The following TMEM117 variants were observed in gnomAD, a reference collection of about 807,000 sequenced individuals.
The protein encoded by TMEM117 is transmembrane protein 117.
A neutral mutation model predicts 52.4 loss-of-function variants in TMEM117; 27 were observed. That is an observed-to-expected ratio of 0.51 (90% CI 0.38 to 0.71). The LOEUF is 0.71. Among genes scored for constraint, TMEM117 ranks in the 30% least tolerant of loss-of-function variants. The pLI is 0.00. For missense variants in TMEM117, 556 were observed against 630.5 expected (o/e 0.88, Z 1.26); for synonymous variants, 215 against 206.3 (o/e 1.04, Z -0.36).
chr12:43,958,739 T>C (rs1309067141), intron 3 of TMEM117, among the ~76,000 whole-genome samples: 45 of 152,042 alleles, frequency 3.0e-4, no homozygotes, highest in Admixed American at 3.0e-3. Flanking sequence ...CCAAAGGAGG[T>C]GGCAGGAGAG....
intron 2 of TMEM117, among the ~76,000 whole-genome samples, chr12:43,935,425 T>C (rs949904790): frequency 6.6e-6 from 1 of 152,234 alleles, no homozygotes; most frequent in African/African-American, 2.4e-5. Flanking sequence ...AGGGATTACA[T>C]TTCTTGTCAA....
intron 5 of TMEM117, among the ~76,000 whole-genome samples, chr12:44,277,771 T>C (rs1036453296): frequency 1.2e-4 from 18 of 147,756 alleles, no homozygotes; most frequent in Non-Finnish European, 2.5e-4. Context: ...CTTTTTTTTT[T>C]TTTTTTTTTT....
chr12:44,231,788 A>G (rs971970525), intron 5 of TMEM117, among the ~76,000 whole-genome samples: 2 of 151,868 alleles, frequency 1.3e-5, no homozygotes, highest in East Asian at 3.9e-4. Context: ...ATTGGTTTAT[A>G]TGTATTTTCA....
chr12:43,827,781 T>C, the TMEM117 span, among the ~76,000 whole-genome samples: 1 of 152,214 alleles, frequency 6.6e-6, no homozygotes, highest in Non-Finnish European at 1.5e-5. Flanking sequence ...GAATGTGATC[T>C]TATTTGGAAA....
At chr12:43,854,647 T>A (rs938836386) in intron 2 of TMEM117, among the ~76,000 whole-genome samples, 2 of 151,880 alleles carry the variant, frequency 1.3e-5, no homozygotes, top group Non-Finnish European at 2.9e-5. Flanking sequence ...TTTATTTATT[T>A]ATTATTTTTT....
chr12:43,971,157 T>G (rs1367172762), intron 3 of TMEM117, among the ~76,000 whole-genome samples: 1 of 152,228 alleles, frequency 6.6e-6, no homozygotes, highest in Non-Finnish European at 1.5e-5. Context: ...TGATTCTACC[T>G]GCTAAGTATC....
At chr12:44,263,655 T>C (rs1420296537) in intron 5 of TMEM117, 1 of 152,210 alleles carries the variant, frequency 6.6e-6, no homozygotes, top group East Asian at 1.9e-4. Context: ...AAATAACTTC[T>C]TCATTTGTTA....
chr12:44,243,784 C>T (rs1005383201), intron 5 of TMEM117, among the ~76,000 whole-genome samples: 2 of 151,788 alleles, frequency 1.3e-5, no homozygotes, highest in Non-Finnish European at 2.9e-5. Flanking sequence ...CCCATCCACC[C>T]CCCACCCTCC....
intron 3 of TMEM117, among the ~76,000 whole-genome samples, chr12:44,101,947 T>C (rs545221553): frequency 6.6e-6 from 1 of 152,200 alleles, no homozygotes; most frequent in South Asian, 2.1e-4. Flanking sequence ...AACTGCTTTA[T>C]TTTCTACAAG....
chr12:44,292,590 G>C (rs1950718450), intron 5 of TMEM117, among the ~76,000 whole-genome samples: 1 of 151,916 alleles, frequency 6.6e-6, no homozygotes, highest in African/African-American at 2.4e-5. Context: ...ATTATAGGCA[G>C]TTATGATTAT....
the TMEM117 span, among the ~76,000 whole-genome samples, chr12:43,829,405 C>T: frequency 6.6e-6 from 1 of 152,192 alleles, no homozygotes; most frequent in Non-Finnish European, 1.5e-5. Flanking sequence ...GAAACCTCAA[C>T]ATTTTCAAGT....
intron 7 of TMEM117, among the ~76,000 whole-genome samples, chr12:44,379,593 AG>A (rs1951991915): frequency 6.6e-6 from 1 of 152,166 alleles, no homozygotes; most frequent in Admixed American, 6.5e-5. Flanking sequence ...GAGATTGCTG[AG>A]GCCACCCCAG....
At chr12:43,923,128 G>T (rs1253715461) in intron 2 of TMEM117, among the ~76,000 whole-genome samples, 2 of 152,132 alleles carry the variant, frequency 1.3e-5, no homozygotes, top group African/African-American at 2.4e-5. Context: ...TTTCAAAATG[G>T]TCTATCAGAT....
chr12:44,087,796 G>A (rs1310815564), intron 3 of TMEM117, among the ~76,000 whole-genome samples: 1 of 152,048 alleles, frequency 6.6e-6, no homozygotes, highest in Non-Finnish European at 1.5e-5. Flanking sequence ...GTTCACAAAT[G>A]TATAGCATTC....
At chr12:44,141,335 G>A (rs927845954) in intron 3 of TMEM117, among the ~76,000 whole-genome samples, 1 of 151,972 alleles carries the variant, frequency 6.6e-6, no homozygotes, top group Non-Finnish European at 1.5e-5. Context: ...CATCACTCAG[G>A]TATTAAGCCT....
intron 3 of TMEM117, among the ~76,000 whole-genome samples, chr12:43,983,617 T>A (rs1945797913): frequency 6.7e-6 from 1 of 149,814 alleles, no homozygotes. Flanking sequence ...AATATTTGGC[T>A]TTGATCAACA....
intron 2 of TMEM117, among the ~76,000 whole-genome samples, chr12:43,850,542 T>C (rs1391759830): frequency 1.3e-5 from 2 of 152,146 alleles, no homozygotes; most frequent in South Asian, 2.1e-4. Context: ...TCCTCTCTGC[T>C]TTGTCACCTT....
chr12:44,097,649 G>T (rs1416110530), intron 3 of TMEM117, among the ~76,000 whole-genome samples: 2 of 150,698 alleles, frequency 1.3e-5, no homozygotes, highest in Non-Finnish European at 2.9e-5. Context: ...CTCACTCATA[G>T]GTGGGAATTG....
At chr12:44,189,669 AG>A (rs1949325979) in intron 4 of TMEM117, among the ~76,000 whole-genome samples, 1 of 152,248 alleles carries the variant, frequency 6.6e-6, no homozygotes, top group South Asian at 2.1e-4. Context: ...GGAAGTAAAA[AG>A]GTTCAGAAGC....
Sources: allele counts gnomAD v4.1 joint callset (sites outside exome capture counted in the v4.1 genomes callset), GRCh38; gene constraint gnomAD v4.1.1; transcripts MANE v1.5; gene names NCBI Gene and HGNC (gene_info 2026-07-23, HGNC 2026-07-21).